Variants in NLGN1 observed in about 807,000 individuals in gnomAD.
The protein encoded by NLGN1 is neuroligin-1.
NLGN1 carries 12 observed loss-of-function variants against 65.5 expected under a neutral mutation model. The ratio of observed to expected loss-of-function variants is 0.18; its 90% CI spans 0.12 to 0.30. The LOEUF (loss-of-function observed/expected upper bound fraction) is 0.30, where lower values mean the gene tolerates loss of function less well. Ranked by LOEUF, NLGN1 falls within the 10% of genes least tolerant of loss-of-function variation. The pLI is 1.00. For synonymous variants in NLGN1, 350 were observed against 359.5 expected, an observed-to-expected ratio of 0.97 and a Z score of 0.30; for missense variants, 750 against 1,007.1, an observed-to-expected ratio of 0.74 and a Z score of 3.46.
chr3:173,661,858 C>T (rs1365881399), intron 3 of NLGN1, among the ~76,000 whole-genome samples: 1 of 151,944 alleles, frequency 6.6e-6, no homozygotes, highest in South Asian at 2.1e-4. Flanking sequence ...CTGTTTATAC[C>T]ATGAGCATGG....
intron 4 of NLGN1, among the ~76,000 whole-genome samples, chr3:174,018,761 A>AT (rs1306441417): frequency 5.9e-5 from 9 of 152,166 alleles, no homozygotes; most frequent in Non-Finnish European, 1.3e-4. Context: ...GCAACCTCAT[A>AT]TGCAAGCCAG....
At chr3:173,774,900 A>G (rs796076727) in intron 3 of NLGN1, among the ~76,000 whole-genome samples, 34 of 152,078 alleles carry the variant, frequency 2.2e-4, no homozygotes, top group African/African-American at 8.2e-4. Context: ...TTCTTACAAC[A>G]CATTTAAACC....
chr3:174,095,529 A>G (rs918755292), intron 4 of NLGN1, among the ~76,000 whole-genome samples: 9 of 133,036 alleles, frequency 6.8e-5, no homozygotes, highest in African/African-American at 3.1e-4. Context: ...CATCCATTAT[A>G]TATCTATATA....
At chr3:173,644,821 T>TG (rs1298887238) in intron 3 of NLGN1, 5 of 152,974 alleles carry the variant, frequency 3.3e-5, no homozygotes, top group African/African-American at 1.2e-4. Context: ...AGCCCTGCCC[T>TG]GGCCAGGCCT....
At chr3:174,171,715 T>C (rs1728569512) in intron 4 of NLGN1, among the ~76,000 whole-genome samples, 1 of 152,160 alleles carries the variant, frequency 6.6e-6, no homozygotes, top group Non-Finnish European at 1.5e-5. Context: ...TTAGGTATTT[T>C]ATTACACTCT....
intron 4 of NLGN1, among the ~76,000 whole-genome samples, chr3:174,032,623 GA>G (rs1400963545): frequency 6.6e-6 from 1 of 152,128 alleles, no homozygotes; most frequent in East Asian, 1.9e-4. Context: ...TGCAGTCTTA[GA>G]GGAAAGCCCC....
At chr3:173,762,824 A>G (rs1778181355) in intron 3 of NLGN1, among the ~76,000 whole-genome samples, 1 of 152,032 alleles carries the variant, frequency 6.6e-6, no homozygotes, top group Admixed American at 6.6e-5. Context: ...ATTAGGAAAT[A>G]TAAAAGGAGG....
chr3:173,747,541 C>A (rs1441374476), intron 3 of NLGN1, among the ~76,000 whole-genome samples: 1 of 150,278 alleles, frequency 6.7e-6, no homozygotes, highest in African/African-American at 2.4e-5. Flanking sequence ...AAGCAAAAGT[C>A]CTGTTCGAAT....
intron 2 of NLGN1, among the ~76,000 whole-genome samples, chr3:173,453,920 G>C (rs147442194): frequency 1.1e-4 from 17 of 152,264 alleles, no homozygotes; most frequent in African/African-American, 4.1e-4. Flanking sequence ...ACTCTGCCCA[G>C]ACCCATCAGA....
chr3:173,608,482 C>G (rs1751741584), intron 3 of NLGN1, among the ~76,000 whole-genome samples: 1 of 151,826 alleles, frequency 6.6e-6, no homozygotes. Context: ...CGTAATTTAT[C>G]CATTTAATCA....
intron 2 of NLGN1, among the ~76,000 whole-genome samples, chr3:173,547,533 ATT>A (rs1740080912): frequency 6.6e-6 from 1 of 152,136 alleles, no homozygotes; most frequent in South Asian, 2.1e-4. Flanking sequence ...TTTATCCAAT[ATT>A]ATATCCAGAT....
chr3:174,184,750 G>C (rs1731085396), intron 4 of NLGN1, among the ~76,000 whole-genome samples: 1 of 152,186 alleles, frequency 6.6e-6, no homozygotes, highest in Non-Finnish European at 1.5e-5. Flanking sequence ...GGATCAGTGA[G>C]AAACGGTGGA....
intron 4 of NLGN1, among the ~76,000 whole-genome samples, chr3:173,978,923 T>G (rs77446509): frequency 6.6e-6 from 1 of 150,640 alleles, no homozygotes; most frequent in African/African-American, 2.5e-5. Flanking sequence ...AAGAATCACT[T>G]GAACCCTGGA....
intron 4 of NLGN1, among the ~76,000 whole-genome samples, chr3:173,957,034 A>G (rs2152339536): frequency 6.6e-6 from 1 of 152,310 alleles, no homozygotes; most frequent in African/African-American, 2.4e-5. Context: ...AAAAGCTATC[A>G]ATAACAAAAA....
At chr3:174,240,317 A>G (rs1742552345) in intron 4 of NLGN1, among the ~76,000 whole-genome samples, 3 of 146,108 alleles carry the variant, frequency 2.1e-5, no homozygotes, top group Admixed American at 6.7e-5. Flanking sequence ...ATATAGATCT[A>G]ACTTTAGAAT....
At chr3:174,256,593 C>T (rs894073302) in intron 4 of NLGN1, among the ~76,000 whole-genome samples, 2 of 151,854 alleles carry the variant, frequency 1.3e-5, no homozygotes, top group African/African-American at 4.8e-5. Flanking sequence ...CTATGTGCAA[C>T]GTATGTGAGA....
chr3:174,234,701 C>T (rs1050185009), intron 4 of NLGN1, among the ~76,000 whole-genome samples: 1 of 152,110 alleles, frequency 6.6e-6, no homozygotes, highest in Non-Finnish European at 1.5e-5. Context: ...GCCTGACATT[C>T]CTGGTGGGAG....
chr3:174,157,408 TAA>T (rs1468132458), intron 4 of NLGN1, among the ~76,000 whole-genome samples: 2 of 151,882 alleles, frequency 1.3e-5, no homozygotes, highest in East Asian at 1.9e-4. Flanking sequence ...ATAAGTATTA[TAA>T]GTCACTATTA....
chr3:173,728,547 C>G (rs1772229070), intron 3 of NLGN1, among the ~76,000 whole-genome samples: 1 of 152,090 alleles, frequency 6.6e-6, no homozygotes, highest in East Asian at 1.9e-4. Flanking sequence ...AACCCCACAC[C>G]TCAAAATGTG....
Sources: gnomAD v4.1 joint callset for allele counts (sites outside exome capture counted in the v4.1 genomes callset) on GRCh38, gnomAD v4.1.1 for gene constraint, MANE v1.5 for transcripts, NCBI Gene and HGNC (gene_info 2026-07-23, HGNC 2026-07-21) for gene names.